Variants in DLG1 observed in about 807,000 individuals in gnomAD.
DLG1 encodes the protein discs large MAGUK scaffold protein 1, also known as disks large homolog 1.
Under a neutral mutation model 123.4 loss-of-function variants are expected in DLG1, and 42 were observed. That is an observed-to-expected ratio of 0.34 (90% CI 0.27 to 0.44). The LOEUF (loss-of-function observed/expected upper bound fraction) is 0.44. Ranked by LOEUF, DLG1 falls within the 20% of genes least tolerant of loss-of-function variation. DLG1 has a pLI of 1.00. For missense variants in DLG1, 942 were observed against 1,082.6 expected (o/e 0.87, Z 1.82); for synonymous variants, 317 against 356.2 (o/e 0.89, Z 1.24).
intron 18 of DLG1, among the ~76,000 whole-genome samples, chr3:197,072,618 T>C (rs1321696412): frequency 1.3e-5 from 2 of 151,654 alleles, no homozygotes; most frequent in East Asian, 1.9e-4. Flanking sequence ...AAAGATATTA[T>C]CCTTGTGACA....
chr3:197,294,956 G>C (rs1245882842), intron 3 of DLG1, among the ~76,000 whole-genome samples: 1 of 151,752 alleles, frequency 6.6e-6, no homozygotes, highest in Non-Finnish European at 1.5e-5. Flanking sequence ...TACTTTTTTT[G>C]CAACAGTAAC....
intron 13 of DLG1, among the ~76,000 whole-genome samples, chr3:197,107,515 A>C (rs1767198986): frequency 6.6e-6 from 1 of 152,144 alleles, no homozygotes; most frequent in Non-Finnish European, 1.5e-5. Flanking sequence ...ACTGCACTCC[A>C]GCCTGGGCGA....
intron 4 of DLG1, among the ~76,000 whole-genome samples, chr3:197,267,409 T>A (rs148675642): frequency 6.6e-6 from 1 of 152,318 alleles, no homozygotes; most frequent in Non-Finnish European, 1.5e-5. Context: ...TCTTTTTCCA[T>A]CTTGGGCCTC....
intron 22 of DLG1, among the ~76,000 whole-genome samples, chr3:197,061,286 C>T (rs754127966): frequency 7.2e-5 from 11 of 152,180 alleles, no homozygotes; most frequent in South Asian, 4.1e-4. Context: ...TTTACATGAT[C>T]GCTTAAACAT....
intron 13 of DLG1, among the ~76,000 whole-genome samples, chr3:197,113,441 A>G (rs1190298141): frequency 6.6e-6 from 1 of 152,180 alleles, no homozygotes; most frequent in Non-Finnish European, 1.5e-5. Flanking sequence ...TTTTGAAAGT[A>G]TTACTAGGTA....
intron 24 of DLG1, among the ~76,000 whole-genome samples, chr3:197,049,826 G>A (rs1726044296): frequency 6.6e-6 from 1 of 152,208 alleles, no homozygotes. Flanking sequence ...ACTCTGGGAG[G>A]CCGAGGAAGA....
chr3:197,102,217 A>C (rs574363424), intron 14 of DLG1, among the ~76,000 whole-genome samples: 1 of 152,354 alleles, frequency 6.6e-6, no homozygotes, highest in Non-Finnish European at 1.5e-5. Flanking sequence ...ATCCAAGTCA[A>C]GAAAGTTCAA....
chr3:197,126,233 T>C (rs764212947), intron 11 of DLG1, among the ~76,000 whole-genome samples: 6 of 152,066 alleles, frequency 3.9e-5, no homozygotes, highest in Non-Finnish European at 8.8e-5. Flanking sequence ...CCCAGCGCTT[T>C]GGGAGGCCGA....
At chr3:197,297,358 CA>C in intron 1 of DLG1, 123 bp from the exon 2 acceptor site, 1 of 1,476,076 alleles carries the variant, frequency 6.8e-7, no homozygotes, top group Non-Finnish European at 8.9e-7. Context: ...TTTACCAAGT[CA>C]AAGAAAGAGT....
chr3:197,254,038 C>T (rs962370477), intron 4 of DLG1, among the ~76,000 whole-genome samples: 2 of 152,066 alleles, frequency 1.3e-5, no homozygotes, highest in Non-Finnish European at 2.9e-5. Context: ...TCTGACAAGC[C>T]TAGACTCAGG....
rs536308235 is a variant in DLG1 at position 197,164,023 on chromosome 3, C to T, written c.484-14227G>A. Among the ~76,000 whole-genome samples the T allele has an allele frequency of 7.2e-5, 11 of 152,266 alleles. No homozygotes were observed. The South Asian group carries it at 2.3e-3, about 32-fold the overall frequency. On this transcript the variant is annotated intron_variant, in intron 5 of 24. Transcript: ENST00000667157. ...AAATGCATGAAAACTGGTCCTCTCACACTGCTGTTGGATATACAAATTCAC... is the reference window on the plus strand; with the variant it reads ...AAATGCATGAAAACTGGTCCTCTCATACTGCTGTTGGATATACAAATTCAC...
rs368982652 is a variant in DLG1 at position 197,149,840 on chromosome 3, T to A, written c.484-44A>T. ...AATGTGTTAACAAGAAAATAAAACA[T>A]TACATGTTCATGTTCACAATGTTAG... On this transcript the variant is annotated intron_variant, in intron 5 of 24. Transcript: ENST00000667157. The A allele has an allele frequency of 4.3e-6, 5 of 1,168,308 alleles. No individual in the cohort carries two copies. In the African/African-American group the frequency reaches 6.1e-5, roughly 14 times the overall value. 72.4% of individuals were successfully genotyped at this position (1,168,308 alleles called of 1,614,324 possible).
intron 12 of DLG1, among the ~76,000 whole-genome samples, chr3:197,117,131 G>A (rs1773736391): frequency 6.6e-6 from 1 of 152,038 alleles, no homozygotes; most frequent in African/African-American, 2.4e-5. Flanking sequence ...TAAAAATAAT[G>A]AGATACTTCA....
rs183695772 is a variant in DLG1, at chr3:197,092,197, A to T, written c.1547-1171T>A. Among the ~76,000 whole-genome samples, 36 of 152,324 alleles carry T rather than the reference A, an allele frequency of 2.4e-4. No homozygotes were observed. The East Asian group carries it at 6.7e-3, about 29-fold the overall frequency. On this transcript the variant is annotated intron_variant, in intron 14 of 24. Coordinates refer to ENST00000667157, the MANE Select transcript of DLG1 (RefSeq NM_001366207.1). ...TATAGACTGATGAATGGAGATCATA[A>T]AAATATATCATGAGTTTATACTGGT...
intron 16 of DLG1, among the ~76,000 whole-genome samples, chr3:197,083,377 T>C (rs1036895652): frequency 2.0e-5 from 3 of 152,250 alleles, no homozygotes; most frequent in Non-Finnish European, 2.9e-5. Context: ...AACATTTCTT[T>C]ATGATCTCAT....
At chr3:197,160,016 C>T (rs1798156285) in intron 5 of DLG1, among the ~76,000 whole-genome samples, 1 of 152,150 alleles carries the variant, frequency 6.6e-6, no homozygotes, top group African/African-American at 2.4e-5. Flanking sequence ...CAAGTTAGTA[C>T]TCCTGTCTAT....
intron 23 of DLG1, among the ~76,000 whole-genome samples, chr3:197,058,767 CTTAT>C (rs1455071910): frequency 6.6e-6 from 1 of 152,088 alleles, no homozygotes; most frequent in Non-Finnish European, 1.5e-5. Context: ...TATTTGTTTT[CTTAT>C]TTAATTGCTT....
chr3:197,110,647 T>C (rs150911775), intron 13 of DLG1, among the ~76,000 whole-genome samples: 2 of 152,216 alleles, frequency 1.3e-5, no homozygotes, highest in Non-Finnish European at 2.9e-5. Context: ...ACTGTCCTCT[T>C]ATCTACGCTT....
At chr3:197,089,910 C>A (rs1756783801) in intron 15 of DLG1, among the ~76,000 whole-genome samples, 1 of 151,840 alleles carries the variant, frequency 6.6e-6, no homozygotes, top group Non-Finnish European at 1.5e-5. Flanking sequence ...TTATAAGTAC[C>A]AAGTACAGCA....
Sources: allele counts gnomAD v4.1 joint callset (sites outside exome capture counted in the v4.1 genomes callset), GRCh38; gene constraint gnomAD v4.1.1; transcripts MANE v1.5; gene names NCBI Gene and HGNC (gene_info 2026-07-23, HGNC 2026-07-21).